The following UGDH variants were observed in gnomAD, a reference collection of about 807,000 sequenced individuals.
UGDH encodes the protein UDP-glucose 6-dehydrogenase, also known as UDP-Glc dehydrogenase.
In UGDH, 38 loss-of-function variants were observed where a neutral mutation model predicts 50.6. The observed-to-expected ratio is 0.75, with a 90% CI of 0.58 to 0.98. The LOEUF (loss-of-function observed/expected upper bound fraction) is 0.98. UGDH is among the 50% of genes least tolerant of loss of function. The pLI is 0.00. For synonymous variants in UGDH, 168 were observed against 199.9 expected (o/e 0.84, Z 1.35); for missense variants, 465 against 606.2 (o/e 0.77, Z 2.45).
chr4:39,524,946 T>C (rs1050946777), intron 1 of UGDH, among the ~76,000 whole-genome samples: 2 of 152,248 alleles, frequency 1.3e-5, no homozygotes, highest in Admixed American at 1.3e-4. Flanking sequence ...CAGGTGAACT[T>C]GTATCACAGA....
At chr4:39,505,797 C>A in intron 7 of UGDH, 49 bp from the exon 8 acceptor site, 1 of 1,547,856 alleles carries the variant, frequency 6.5e-7, no homozygotes, top group South Asian at 1.3e-5. Flanking sequence ...AGAGGCACAG[C>A]CTATGACACA....
At chr4:39,508,430 C>T (rs1746110107) in intron 7 of UGDH, 136 bp downstream of exon 7, 1 of 738,058 alleles carries the variant, frequency 1.4e-6, no homozygotes, top group Non-Finnish European at 2.1e-6. Context: ...GATGGGGTCT[C>T]ACTATGTTGC....
rs1745727929 is a variant in UGDH, at chr4:39,499,986, C to G, written c.*157G>C. 2.1e-6 allele frequency: 1 copy of G among 474,572 alleles called. No homozygotes were observed. The highest frequency in any genetic ancestry group is 2.0e-5 in the African/African-American group (1 of 50,334). 29.4% of individuals were successfully genotyped at this position (474,572 alleles called of 1,614,324 possible). The stretch of plus-strand genomic sequence containing the variant: ...CAGAGCTTGCAGTGAGCCGAGATTG[C>G]ACCACTGCACTCCAGCCTGGGCAAC... On this transcript the variant is annotated 3_prime_UTR_variant, in exon 12 of 12. Transcript: ENST00000316423.
At chr4:39,500,359 A>G in intron 11 of UGDH, 106 bp from the exon 12 acceptor site, 1 of 684,214 alleles carries the variant, frequency 1.5e-6, no homozygotes, top group Admixed American at 3.0e-5. Context: ...TTTTCTTAGA[A>G]AAGGATTCTC....
chr4:39,508,622 AATTCAGAAC>A lies in UGDH; in HGVS notation c.841_849del (p.Val281_Asn283del). ...TTCAGAGCCTCACAGAGATAAACCA[AATTCAGAAC>A]ATCCTTTTGGAAACAGCTCCCACCA... On this transcript the variant is annotated inframe_deletion, in exon 7 of 12. Coordinates refer to ENST00000316423, the MANE Select transcript of UGDH (RefSeq NM_003359.4). 6.2e-7 allele frequency: 1 copy of A among 1,606,094 alleles called. No individual in the cohort carries two copies. The highest frequency in any genetic ancestry group is 8.5e-7 in the Non-Finnish European group (1 of 1,177,976).
At chr4:39,519,288 T>C (rs1414172749) in intron 2 of UGDH, among the ~76,000 whole-genome samples, 1 of 151,490 alleles carries the variant, frequency 6.6e-6, no homozygotes, top group African/African-American at 2.4e-5. Flanking sequence ...AACCCTTGGC[T>C]CAAATGATCC....
chr4:39,524,518 T>C (rs533070585), intron 1 of UGDH, among the ~76,000 whole-genome samples: 8 of 152,050 alleles, frequency 5.3e-5, no homozygotes, highest in African/African-American at 1.7e-4. Context: ...TTTTTTTTTT[T>C]CTGACACAAG....
At chr4:39,527,144 G>A (rs1395011804) in intron 1 of UGDH, 139 bp downstream of exon 1, 2 of 1,286,926 alleles carry the variant, frequency 1.6e-6, no homozygotes, top group African/African-American at 1.5e-5. Flanking sequence ...GACGAAGGTC[G>A]TGAGACGGGA....
chr4:39,504,626 G>A, intron 9 of UGDH, 118 bp from the exon 10 acceptor site: 3 of 898,512 alleles, frequency 3.3e-6, no homozygotes, highest in East Asian at 2.7e-5. Flanking sequence ...GTCTGAAACT[G>A]TGGAGAGTAC....
chr4:39,514,773 C>T (rs1483064701), intron 2 of UGDH, among the ~76,000 whole-genome samples: 3 of 150,608 alleles, frequency 2.0e-5, no homozygotes, highest in Non-Finnish European at 3.0e-5. Context: ...ACTTCCGTCT[C>T]CTGGGTTCAA....
At chr4:39,514,361 C>T (rs971740425) in intron 2 of UGDH, among the ~76,000 whole-genome samples, 177 bp from the exon 3 acceptor site, 21 of 152,116 alleles carry the variant, frequency 1.4e-4, no homozygotes, top group African/African-American at 4.3e-4. Context: ...GCCATAAGTG[C>T]ACATCTCATT....
rs1456034659 is a variant in UGDH at position 39,527,312 on chromosome 4, C to T, written c.-37G>A. 1 of 332,640 alleles carries T rather than the reference C, an allele frequency of 3.0e-6. No homozygotes were observed. Among genetic ancestry groups the T allele is most frequent in the Non-Finnish European group, 5.9e-6 (1 of 169,184 alleles). The allele number at this position is 332,640 out of a possible 1,614,324, so 20.6% of individuals were successfully genotyped here. On this transcript the variant is annotated 5_prime_UTR_variant, in exon 1 of 12. Transcript: ENST00000316423. ...TTCCCAGCAGCAAGCGCAGGGACCG[C>T]TCCTATCCCGATCGTTCGGACAGCA...
chr4:39,503,675 T>A (rs893291173), intron 11 of UGDH, among the ~76,000 whole-genome samples, 200 bp downstream of exon 11: 1 of 152,262 alleles, frequency 6.6e-6, no homozygotes, highest in African/African-American at 2.4e-5. Context: ...TTCCTAATTG[T>A]TGAAATAAAC....
chr4:39,516,644 C>T (rs10856845), intron 2 of UGDH, among the ~76,000 whole-genome samples: 109,117 of 152,060 alleles, frequency 0.72, 39,338 homozygotes, highest in East Asian at 0.9. Context: ...TCCCTTTTCT[C>T]CAATGGTTCC....
At chr4:39,504,289 C>T in intron 10 of UGDH, 128 bp downstream of exon 10, 1 of 793,140 alleles carries the variant, frequency 1.3e-6, no homozygotes, top group Non-Finnish European at 2.0e-6. Context: ...GCCAGGGCGA[C>T]AGAGCGAGAC....
intron 1 of UGDH, 198 bp downstream of exon 1, chr4:39,527,085 C>G: frequency 7.8e-7 from 1 of 1,289,378 alleles, no homozygotes; most frequent in Non-Finnish European, 1.0e-6. Context: ...ACGACCACAT[C>G]CCCAGGACAG....
At chr4:39,514,473 C>T (rs1417751807) in intron 2 of UGDH, among the ~76,000 whole-genome samples, 1 of 151,612 alleles carries the variant, frequency 6.6e-6, no homozygotes, top group Non-Finnish European at 1.5e-5. Flanking sequence ...AATGATCCTC[C>T]CATCTCAGCC....
chr4:39,507,729 G>C (rs555836388), intron 7 of UGDH, among the ~76,000 whole-genome samples: 1 of 152,224 alleles, frequency 6.6e-6, no homozygotes, highest in East Asian at 1.9e-4. Flanking sequence ...TGGGAGGACT[G>C]CTGAGCCCAG....
At chr4:39,501,851 C>T (rs919315702) in intron 11 of UGDH, among the ~76,000 whole-genome samples, 4 of 152,154 alleles carry the variant, frequency 2.6e-5, no homozygotes, top group South Asian at 2.1e-4. Context: ...TCATTAAAAA[C>T]ACTACTACTT....
Sources: gnomAD v4.1 joint callset for allele counts (sites outside exome capture counted in the v4.1 genomes callset) on GRCh38, gnomAD v4.1.1 for gene constraint, MANE v1.5 for transcripts, NCBI Gene and HGNC (gene_info 2026-07-23, HGNC 2026-07-21) for gene names.